The following CDH13 variants were observed in gnomAD, a reference collection of about 807,000 sequenced individuals.
CDH13 encodes the protein cadherin 13.
A neutral mutation model predicts 63.8 loss-of-function variants in CDH13; 24 were observed. The ratio of observed to expected loss-of-function variants is 0.38; its 90% CI spans 0.27 to 0.53. The LOEUF is 0.53. CDH13 is among the 20% of genes least tolerant of loss of function. The probability of loss-of-function intolerance (pLI) is 0.85; values close to 1 mark genes in which losing one functional copy is unlikely to be tolerated. For synonymous variants in CDH13, 503 were observed against 355.3 expected (o/e 1.42, Z -4.67); for missense variants, 1,049 against 903.1 (o/e 1.16, Z -2.07).
intron 7 of CDH13, among the ~76,000 whole-genome samples, chr16:83,506,214 G>C (rs1463400769): frequency 6.6e-6 from 1 of 152,140 alleles, no homozygotes; most frequent in Non-Finnish European, 1.5e-5. Flanking sequence ...GGAAAAGGCT[G>C]GTCAGAGTGA....
chr16:83,412,303 A>C (rs2092139971), intron 6 of CDH13, among the ~76,000 whole-genome samples: 1 of 152,092 alleles, frequency 6.6e-6, no homozygotes, highest in African/African-American at 2.4e-5. Flanking sequence ...CTCTACTAAA[A>C]ATACAAAAAT....
chr16:82,912,499 CA>C (rs1567655165), intron 2 of CDH13, among the ~76,000 whole-genome samples: 1 of 152,152 alleles, frequency 6.6e-6, no homozygotes. Flanking sequence ...TCTTCTAGGT[CA>C]AAACATTTCT....
chr16:83,528,823 C>T (rs537462746), intron 7 of CDH13, among the ~76,000 whole-genome samples: 144 of 152,318 alleles, frequency 9.5e-4, no homozygotes, highest in Non-Finnish European at 1.7e-3. Context: ...AAGAGAGAGA[C>T]TGTTCAATCC....
At chr16:83,340,946 C>G (rs886979106) in intron 5 of CDH13, among the ~76,000 whole-genome samples, 2 of 152,104 alleles carry the variant, frequency 1.3e-5, no homozygotes, top group African/African-American at 4.8e-5. Flanking sequence ...TAGAAATCCT[C>G]ATGTCTGAAG....
chr16:83,345,102 T>A, intron 6 of CDH13, 96 bp downstream of exon 6: 1 of 1,384,772 alleles, frequency 7.2e-7, no homozygotes, highest in Non-Finnish European at 9.9e-7. Context: ...CTGTTCCAAC[T>A]TGTCAGCTCG....
intron 7 of CDH13, among the ~76,000 whole-genome samples, chr16:83,510,693 C>G (rs2074536392): frequency 6.6e-6 from 1 of 152,176 alleles, no homozygotes; most frequent in African/African-American, 2.4e-5. Flanking sequence ...ACCACGAGGT[C>G]CTTGTCCACC....
At chr16:83,333,944 T>C (rs1343693493) in intron 5 of CDH13, among the ~76,000 whole-genome samples, 1 of 152,164 alleles carries the variant, frequency 6.6e-6, no homozygotes, top group Non-Finnish European at 1.5e-5. Flanking sequence ...ACAAATCTTA[T>C]CTTGCAGTTC....
chr16:82,680,655 C>T (rs1459910915), intron 1 of CDH13, among the ~76,000 whole-genome samples: 1 of 152,158 alleles, frequency 6.6e-6, no homozygotes, highest in Admixed American at 6.5e-5. Context: ...AAGGCACACA[C>T]AAGCTGGAAT....
chr16:83,430,198 T>C (rs1257150225), intron 6 of CDH13, among the ~76,000 whole-genome samples: 3 of 152,204 alleles, frequency 2.0e-5, no homozygotes, highest in African/African-American at 7.2e-5. Flanking sequence ...TACTCACAAC[T>C]GGCAAGATGT....
At chr16:83,630,843 T>G (rs181109079) in intron 8 of CDH13, among the ~76,000 whole-genome samples, 8 of 152,324 alleles carry the variant, frequency 5.3e-5, no homozygotes, top group Admixed American at 5.2e-4. Flanking sequence ...TGTAGCTATC[T>G]TATTAAAAAT....
chr16:82,638,823 T>TGTGTGTGTGTGTGTGTGTGTGCGCGCGC (rs139451683), intron 1 of CDH13, among the ~76,000 whole-genome samples: 2,551 of 150,724 alleles, frequency 0.017, 45 homozygotes, highest in African/African-American at 0.037. Context: ...GGGCAGTGTG[T>TGTGTGTGTGTGTGTGTGTGTGCGCGCGC]GCGTGTGTGC....
chr16:82,819,676 C>G (rs752346232), intron 1 of CDH13, among the ~76,000 whole-genome samples: 5 of 152,182 alleles, frequency 3.3e-5, no homozygotes, highest in Non-Finnish European at 7.3e-5. Context: ...CTGGAGAGCA[C>G]TCAAGGGAAG....
At chr16:82,679,946 T>C (rs3852738) in intron 1 of CDH13, among the ~76,000 whole-genome samples, 53,060 of 152,126 alleles carry the variant, frequency 0.35, 12,084 homozygotes, top group Non-Finnish European at 0.51. Context: ...ACCTTCAGTA[T>C]ATCGTGATCT....
At chr16:83,514,473 A>G (rs866327224) in intron 7 of CDH13, among the ~76,000 whole-genome samples, 8 of 152,242 alleles carry the variant, frequency 5.3e-5, no homozygotes, top group Middle Eastern at 3.4e-3. Flanking sequence ...GTGAAACCCA[A>G]TCTCCACTAA....
At chr16:83,165,602 T>C (rs1303923276) in intron 4 of CDH13, among the ~76,000 whole-genome samples, 1 of 151,918 alleles carries the variant, frequency 6.6e-6, no homozygotes, top group East Asian at 1.9e-4. Flanking sequence ...AGGGTAGGGA[T>C]GATGAGACCT....
chr16:83,443,807 T>C (rs904075330), intron 6 of CDH13, among the ~76,000 whole-genome samples: 1 of 145,918 alleles, frequency 6.9e-6, no homozygotes, highest in Non-Finnish European at 1.5e-5. Flanking sequence ...TGGTGGCATG[T>C]GCCTGTAGTC....
chr16:83,350,509 A>G (rs965458401), intron 6 of CDH13, among the ~76,000 whole-genome samples: 9 of 152,034 alleles, frequency 5.9e-5, no homozygotes, highest in Admixed American at 1.3e-4. Context: ...CTAACTTCTG[A>G]AAGCCCAGCC....
At chr16:82,983,784 T>C (rs1910591266) in intron 2 of CDH13, among the ~76,000 whole-genome samples, 1 of 152,218 alleles carries the variant, frequency 6.6e-6, no homozygotes, top group African/African-American at 2.4e-5. Context: ...GAATTAGTGT[T>C]CCCTGGTCCA....
rs114596109 is a variant in CDH13, at chr16:83,488,917, G to A, written c.960+2262G>A. 3.1e-3 allele frequency among the ~76,000 whole-genome samples: 473 copies of A among 152,194 alleles called. 1 individual carries two copies. Among genetic ancestry groups the A allele is most frequent in the African/African-American group, 0.011 (445 of 41,542 alleles). The stretch of plus-strand genomic sequence containing the variant: ...TGGGATTACAGGGATGAGCCACTGC[G>A]CCCGGCCAATGCTCCCTATTTTTAT... On this transcript the variant is annotated intron_variant, in intron 7 of 13. Coordinates refer to ENST00000567109, the MANE Select transcript of CDH13 (RefSeq NM_001257.5).
Sources: allele counts gnomAD v4.1 joint callset (sites outside exome capture counted in the v4.1 genomes callset), GRCh38; gene constraint gnomAD v4.1.1; transcripts MANE v1.5; gene names NCBI Gene and HGNC (gene_info 2026-07-23, HGNC 2026-07-21).